Variants in SVIL observed in about 807,000 individuals in gnomAD.
The protein encoded by SVIL is archvillin.
A neutral mutation model predicts 240.4 loss-of-function variants in SVIL; 101 were observed. The observed-to-expected ratio is 0.42, with a 90% CI of 0.36 to 0.50. The LOEUF is 0.50. Among genes scored for constraint, SVIL ranks in the 20% least tolerant of loss-of-function variants. SVIL has a pLI of 0.01. For synonymous variants in SVIL, 999 were observed against 1,100.0 expected (o/e 0.91, Z 1.82); for missense variants, 2,512 against 2,818.7 (o/e 0.89, Z 2.46).
chr10:29,612,057 G>C (rs1957265443), intron 1 of SVIL, among the ~76,000 whole-genome samples: 2 of 152,056 alleles, frequency 1.3e-5, no homozygotes, highest in Non-Finnish European at 2.9e-5. Context: ...GGGTAGCTCA[G>C]ATGTTGGCAG....
intron 2 of SVIL, among the ~76,000 whole-genome samples, chr10:29,675,273 G>A (rs1163244114): frequency 6.6e-6 from 1 of 152,152 alleles, no homozygotes; most frequent in Non-Finnish European, 1.5e-5. Flanking sequence ...GCCAAGGTGG[G>A]AGGATCACTT....
rs1951712128 is a variant in SVIL, at chr10:29,535,929, G to A, written c.908+60C>T. The stretch of plus-strand genomic sequence containing the variant: ...GAGAGTGGGTGTTAGCTGATGTGTG[G>A]TCAGGCAGGAGGAAGCAACACTCAT... On this transcript the variant is annotated intron_variant, in intron 7 of 37. Coordinates refer to ENST00000355867, the MANE Select transcript of SVIL (RefSeq NM_021738.3). The A allele has an allele frequency of 6.4e-6, 10 of 1,557,960 alleles. No individual in the cohort carries two copies. The East Asian group carries it at 1.8e-4, about 28-fold the overall frequency.
chr10:29,470,251 G>T (rs745540273), intron 32 of SVIL, 25 bp downstream of exon 32: 3 of 1,611,712 alleles, frequency 1.9e-6, no homozygotes, highest in Admixed American at 3.3e-5. Context: ...TGTGTGGGGG[G>T]ACTCGCCGCA....
rs565494320 is a variant in SVIL at position 29,726,085 on chromosome 10, C to T, written c.-400+9666G>A. Among the ~76,000 whole-genome samples the T allele has an allele frequency of 1.6e-4, 25 of 152,138 alleles. No homozygotes were observed. In the South Asian group the frequency reaches 5.0e-3, roughly 30 times the overall value. On this transcript the variant is annotated intron_variant, in intron 1 of 35. Transcript: ENST00000375400. ...TACAGGTGTGTGCCACCATGCATGA[C>T]TAATTTTTAAATTTTTTGTAGAGAT...
Position 29,533,164 on chromosome 10 carries a change from G to A in SVIL, c.1203C>T (p.Val401=). The A allele has an allele frequency of 6.2e-7, 1 of 1,614,132 alleles. No homozygotes were observed. The highest frequency in any genetic ancestry group is 8.5e-7 in the Non-Finnish European group (1 of 1,180,026). ...CSWVASATQN[V]PKPPSLTVLE... ...GAACCGTCAAGCTGGGAGGTTTGGG[G>A]ACATTCTGGGTGGCTGATGCTACCC... Residue 401 remains valine, a synonymous_variant, in exon 8 of 38, where the codon GTC becomes GTT. Transcript: ENST00000355867.
At chr10:29,461,299 T>C (rs765208132) in intron 36 of SVIL, among the ~76,000 whole-genome samples, 7 of 152,186 alleles carry the variant, frequency 4.6e-5, no homozygotes, top group African/African-American at 7.2e-5. Context: ...GAAACCACAG[T>C]TGCAGTGAAC....
At chr10:29,652,657 T>G (rs908857354) in intron 3 of SVIL, among the ~76,000 whole-genome samples, 4 of 152,238 alleles carry the variant, frequency 2.6e-5, no homozygotes, top group Non-Finnish European at 4.4e-5. Context: ...GCTGGACTGT[T>G]TTCCAAAACA....
intron 1 of SVIL, among the ~76,000 whole-genome samples, chr10:29,576,833 AC>A (rs1225397682): frequency 2.0e-5 from 3 of 152,206 alleles, no homozygotes; most frequent in Non-Finnish European, 4.4e-5. Flanking sequence ...GGCATGAGCC[AC>A]CGCTCCCTGC....
rs189773478 is a variant in SVIL at position 29,552,201 on chromosome 10, A to T, written c.161-938T>A. 1.7e-4 allele frequency among the ~76,000 whole-genome samples: 25 copies of T among 145,378 alleles called. No individual in the cohort carries two copies. In the Admixed American group the frequency reaches 1.7e-3, roughly 10 times the overall value. ...TTATATATTCCTTCTAGTTAATATA[A>T]TTTTTTCTTTATAAAATAGTTAGTT... is the stretch of plus-strand genomic sequence containing the variant. On this transcript the variant is annotated intron_variant, in intron 5 of 37. Coordinates refer to ENST00000355867, the MANE Select transcript of SVIL (RefSeq NM_021738.3).
chr10:29,638,614 A>G (rs1172826254), upstream of SVIL, among the ~76,000 whole-genome samples: 1 of 152,244 alleles, frequency 6.6e-6, no homozygotes, highest in East Asian at 1.9e-4. Context: ...AAATCTATAG[A>G]GATTTACTTA....
rs61502586 is a variant in SVIL at position 29,526,745 on chromosome 10, A to G, written c.2342+216T>C. On this transcript the variant is annotated intron_variant, in intron 13 of 37. Coordinates refer to ENST00000355867, the MANE Select transcript of SVIL (RefSeq NM_021738.3). ...GTTAGTGTGATCCTAGTTCTAACAC[A>G]TAACATATGCAGAGAGACAAAATGT... 1.0e-2 allele frequency among the ~76,000 whole-genome samples: 1,519 copies of G among 152,376 alleles called. 22 individuals are homozygous for G. The highest frequency in any genetic ancestry group is 0.035 in the African/African-American group (1,453 of 41,592).
chr10:29,502,060 G>T (rs1948938555), intron 17 of SVIL, among the ~76,000 whole-genome samples: 1 of 152,152 alleles, frequency 6.6e-6, no homozygotes, highest in African/African-American at 2.4e-5. Flanking sequence ...TACAAACTTT[G>T]GGATGATACA....
At chr10:29,639,234 C>T (rs755653754), upstream of SVIL, among the ~76,000 whole-genome samples, 7 of 151,974 alleles carry the variant, frequency 4.6e-5, no homozygotes, top group African/African-American at 1.2e-4. Context: ...TGCAGTGGCG[C>T]GATCTTGGCT....
chr10:29,508,490 A>G (rs994031540), intron 17 of SVIL: 25 of 963,700 alleles, frequency 2.6e-5, no homozygotes, highest in Non-Finnish European at 3.3e-5. Flanking sequence ...CTGGGTTCAA[A>G]CAGCAGCATG....
At position 29,471,147 on chromosome 10, in the gene SVIL, TTTC is replaced by T. The variant is rs745934523; in HGVS notation, c.5623_5625del (p.Glu1875del). 4.3e-6 allele frequency: 7 copies of T among 1,613,342 alleles called. No individual in the cohort carries two copies. The South Asian group carries it at 4.4e-5, about 10-fold the overall frequency. ...AGTAAAAGTGACTTACTTTGCACAT[TTTC>T]TTCTTCCTCTTCCCGCCTCCCCGAG... On this transcript the variant is annotated inframe_deletion, in exon 31 of 38. Coordinates refer to ENST00000355867, the MANE Select transcript of SVIL (RefSeq NM_021738.3).
At chr10:29,711,538 A>G (rs1963284406) in intron 1 of SVIL, among the ~76,000 whole-genome samples, 1 of 152,152 alleles carries the variant, frequency 6.6e-6, no homozygotes, top group Non-Finnish European at 1.5e-5. Flanking sequence ...AGGTGGGCAG[A>G]TCACCTGAGG....
intron 1 of SVIL, among the ~76,000 whole-genome samples, chr10:29,625,902 G>GT (rs1360853638): frequency 6.6e-6 from 1 of 152,152 alleles, no homozygotes; most frequent in Non-Finnish European, 1.5e-5. Context: ...ACCATGCCGG[G>GT]TTTTTTGGGG....
chr10:29,662,408 CA>C (rs1959170126), intron 2 of SVIL, among the ~76,000 whole-genome samples: 1 of 152,122 alleles, frequency 6.6e-6, no homozygotes, highest in African/African-American at 2.4e-5. Flanking sequence ...ATAATAATAC[CA>C]ATAAGCATAA....
At chr10:29,713,879 C>T (rs547118208) in intron 1 of SVIL, among the ~76,000 whole-genome samples, 1 of 152,320 alleles carries the variant, frequency 6.6e-6, no homozygotes, top group Non-Finnish European at 1.5e-5. Context: ...GATTTCTTTA[C>T]TTCAAGGCTT....
Sources: gnomAD v4.1 joint callset for allele counts (sites outside exome capture counted in the v4.1 genomes callset) on GRCh38, gnomAD v4.1.1 for gene constraint, MANE v1.5 for transcripts, NCBI Gene and HGNC (gene_info 2026-07-23, HGNC 2026-07-21) for gene names.